The following ATRNL1 variants were observed in gnomAD, a reference collection of about 807,000 sequenced individuals.
ATRNL1 encodes the protein attractin-like protein 1.
ATRNL1 carries 95 observed loss-of-function variants against 182.7 expected under a neutral mutation model. The observed-to-expected ratio is 0.52, with a 90% CI of 0.44 to 0.62. The LOEUF is 0.62. ATRNL1 is among the 20% of genes least tolerant of loss of function. ATRNL1 has a pLI of 0.00. For synonymous variants in ATRNL1, 576 were observed against 568.3 expected, an observed-to-expected ratio of 1.01 and a Z score of -0.19; for missense variants, 1,471 against 1,679.5, an observed-to-expected ratio of 0.88 and a Z score of 2.17.
At chr10:115,450,728 C>A (rs555331002) in intron 21 of ATRNL1, among the ~76,000 whole-genome samples, 36 of 152,196 alleles carry the variant, frequency 2.4e-4, no homozygotes, top group African/African-American at 8.4e-4. Context: ...CAATGCTATT[C>A]CCATAAAACT....
At chr10:115,132,617 G>A (rs1419752522) in intron 5 of ATRNL1, among the ~76,000 whole-genome samples, 3 of 151,948 alleles carry the variant, frequency 2.0e-5, no homozygotes, top group Non-Finnish European at 2.9e-5. Flanking sequence ...TTTAATGATC[G>A]CCATTCTAAC....
chr10:115,670,602 T>A (rs1186409388), intron 26 of ATRNL1, among the ~76,000 whole-genome samples: 8 of 152,130 alleles, frequency 5.3e-5, no homozygotes, highest in Non-Finnish European at 1.2e-4. Flanking sequence ...GCAAGTAGTC[T>A]CTTTGAAATC....
intron 8 of ATRNL1, among the ~76,000 whole-genome samples, chr10:115,203,145 T>G (rs1387842413): frequency 6.6e-6 from 1 of 152,150 alleles, no homozygotes; most frequent in Non-Finnish European, 1.5e-5. Context: ...GCTACTTTGT[T>G]ATTACAACCA....
intron 27 of ATRNL1, among the ~76,000 whole-genome samples, chr10:115,823,484 T>C (rs1589559638): frequency 6.6e-6 from 1 of 152,094 alleles, no homozygotes; most frequent in East Asian, 1.9e-4. Context: ...GAGGAAGTCA[T>C]ATTGTCTGCG....
intron 21 of ATRNL1, among the ~76,000 whole-genome samples, chr10:115,429,149 A>T (rs989340367): frequency 2.0e-5 from 3 of 152,184 alleles, no homozygotes; most frequent in Non-Finnish European, 4.4e-5. Context: ...CTGGGTGTGT[A>T]AAATTTATCC....
At chr10:115,144,722 A>T (rs868926433) in intron 5 of ATRNL1, among the ~76,000 whole-genome samples, 1 of 152,228 alleles carries the variant, frequency 6.6e-6, no homozygotes, top group African/African-American at 2.4e-5. Flanking sequence ...TTATTTATAC[A>T]AAGAGATTAT....
intron 24 of ATRNL1, among the ~76,000 whole-genome samples, chr10:115,501,862 C>T (rs1849857823): frequency 6.6e-6 from 1 of 152,052 alleles, no homozygotes; most frequent in African/African-American, 2.4e-5. Flanking sequence ...TATCAGCTCT[C>T]CCTGTGTCCT....
intron 8 of ATRNL1, among the ~76,000 whole-genome samples, chr10:115,201,240 TC>T (rs1554892308): frequency 1.3e-5 from 2 of 152,032 alleles, no homozygotes; most frequent in African/African-American, 4.8e-5. Context: ...TTTAATGAGA[TC>T]CCATTTGTCA....
At chr10:115,257,036 C>A (rs1323573174) in intron 10 of ATRNL1, among the ~76,000 whole-genome samples, 1 of 152,068 alleles carries the variant, frequency 6.6e-6, no homozygotes, top group Non-Finnish European at 1.5e-5. Context: ...TTGCTGAGTA[C>A]TGCTTTATTT....
chr10:115,802,077 G>A (rs1217748965), intron 27 of ATRNL1, among the ~76,000 whole-genome samples: 15 of 66,742 alleles, frequency 2.2e-4, no homozygotes, highest in African/African-American at 3.9e-4. Context: ...TCTACCTTCC[G>A]CCCCCCACCA....
chr10:115,138,171 G>C (rs1489185007), intron 5 of ATRNL1, among the ~76,000 whole-genome samples: 7 of 152,222 alleles, frequency 4.6e-5, no homozygotes, highest in Non-Finnish European at 1.0e-4. Flanking sequence ...CTGCTCCTGT[G>C]GCTTTGCAGG....
intron 10 of ATRNL1, among the ~76,000 whole-genome samples, chr10:115,253,603 TTTA>T (rs1217433388): frequency 6.6e-6 from 1 of 152,252 alleles, no homozygotes; most frequent in African/African-American, 2.4e-5. Context: ...GCAGATTTTT[TTTA>T]TTATTATTAT....
At chr10:115,638,516 A>G (rs1859036798) in intron 26 of ATRNL1, among the ~76,000 whole-genome samples, 1 of 152,192 alleles carries the variant, frequency 6.6e-6, no homozygotes, top group African/African-American at 2.4e-5. Flanking sequence ...TCCAGAGGCA[A>G]AAAGTAGTTA....
intron 18 of ATRNL1, among the ~76,000 whole-genome samples, chr10:115,319,193 G>T (rs1854457578): frequency 6.6e-6 from 1 of 152,184 alleles, no homozygotes; most frequent in East Asian, 1.9e-4. Flanking sequence ...ATGTAAGTGT[G>T]TGGTTTTGAG....
intron 1 of ATRNL1, among the ~76,000 whole-genome samples, chr10:115,114,919 A>G (rs1009010923): frequency 3.9e-5 from 6 of 152,094 alleles, no homozygotes; most frequent in African/African-American, 1.4e-4. Context: ...TGTTGGAGAG[A>G]TGTTTGCATT....
intron 26 of ATRNL1, among the ~76,000 whole-genome samples, chr10:115,629,017 C>G (rs904139784): frequency 6.6e-6 from 1 of 151,976 alleles, no homozygotes; most frequent in African/African-American, 2.4e-5. Context: ...TATTCCATTT[C>G]TATTTAATAC....
chr10:115,225,477 A>AATATAATATG, intron 9 of ATRNL1, among the ~76,000 whole-genome samples: 1 of 147,050 alleles, frequency 6.8e-6, no homozygotes, highest in Non-Finnish European at 1.5e-5. Context: ...AAGGCAGATT[A>AATATAATATG]ATATAATATA....
intron 8 of ATRNL1, among the ~76,000 whole-genome samples, chr10:115,202,841 G>A (rs1426772308): frequency 2.1e-5 from 3 of 144,558 alleles, no homozygotes; most frequent in African/African-American, 7.7e-5. Context: ...GGTAGAATTC[G>A]GCTGTGAATC....
intron 26 of ATRNL1, among the ~76,000 whole-genome samples, chr10:115,643,504 A>C (rs1221010798): frequency 6.6e-6 from 1 of 152,178 alleles, no homozygotes; most frequent in African/African-American, 2.4e-5. Flanking sequence ...ATAATGAATA[A>C]ATAAGCCACA....
Sources: allele counts gnomAD v4.1 joint callset (sites outside exome capture counted in the v4.1 genomes callset), GRCh38; gene constraint gnomAD v4.1.1; transcripts MANE v1.5; gene names NCBI Gene and HGNC (gene_info 2026-07-23, HGNC 2026-07-21).